Variants in PPFIBP2 observed in about 807,000 individuals in gnomAD.
PPFIBP2 encodes PPFIB scaffold protein 2.
PPFIBP2 carries 118 observed loss-of-function variants against 118.3 expected under a neutral mutation model. That is an observed-to-expected ratio of 1.00 (90% CI 0.86 to 1.16). The LOEUF (loss-of-function observed/expected upper bound fraction) is 1.16. Ranked by LOEUF, PPFIBP2 falls within the 50% of genes most tolerant of loss-of-function variation. The probability of loss-of-function intolerance (pLI) is 0.00; values close to 1 mark genes in which losing one functional copy is unlikely to be tolerated. For missense variants in PPFIBP2, 1,195 were observed against 1,073.1 expected (o/e 1.11, Z -1.59); for synonymous variants, 414 against 397.4 (o/e 1.04, Z -0.50).
chr11:7,594,879 T>C (rs535893729), intron 4 of PPFIBP2, among the ~76,000 whole-genome samples: 1 of 139,014 alleles, frequency 7.2e-6, no homozygotes, highest in Non-Finnish European at 1.5e-5. Context: ...ATCGCATCAC[T>C]GTGCTCCAGC....
At chr11:7,627,335 C>A (rs1241295332) in intron 8 of PPFIBP2, among the ~76,000 whole-genome samples, 2 of 152,202 alleles carry the variant, frequency 1.3e-5, no homozygotes, top group African/African-American at 4.8e-5. Context: ...CCACTTTATT[C>A]TGAAAATGAA....
At chr11:7,610,165 G>A in intron 5 of PPFIBP2, 126 bp from the exon 6 acceptor site, 6 of 1,227,832 alleles carry the variant, frequency 4.9e-6, no homozygotes, top group Non-Finnish European at 7.0e-6. Context: ...TGACTCTCAT[G>A]TAGCAGTCTC....
chr11:7,521,330 T>C (rs1275619376), intron 1 of PPFIBP2, among the ~76,000 whole-genome samples: 1 of 152,196 alleles, frequency 6.6e-6, no homozygotes, highest in East Asian at 1.9e-4. Context: ...TAGGATAAAA[T>C]ACACCATCCT....
intron 5 of PPFIBP2, among the ~76,000 whole-genome samples, chr11:7,598,945 C>T (rs7925061): frequency 4.6e-5 from 7 of 151,900 alleles, no homozygotes; most frequent in Non-Finnish European, 1.0e-4. Flanking sequence ...CATAAAAACC[C>T]GTTTCAATGA....
chr11:7,633,309 G>A (rs112020972), intron 12 of PPFIBP2, among the ~76,000 whole-genome samples: 18,541 of 152,148 alleles, frequency 0.12, 2,120 homozygotes, highest in African/African-American at 0.31. Context: ...CCCTTTGACA[G>A]TCGAAGCTTT....
At chr11:7,641,158 A>G (rs1252926792) in intron 15 of PPFIBP2, 8 of 1,082,420 alleles carry the variant, frequency 7.4e-6, no homozygotes, top group Non-Finnish European at 8.8e-6. Flanking sequence ...CCAGGGACCC[A>G]CTACTGCCTG....
At chr11:7,577,334 T>TGGGTGTGC in intron 3 of PPFIBP2, 1 of 271,194 alleles carries the variant, frequency 3.7e-6, no homozygotes, top group Non-Finnish European at 7.4e-6. Context: ...TGTGTGTGTG[T>TGGGTGTGC]GTGTGTGTGT....
chr11:7,659,728 T>C (rs1240010555), downstream of PPFIBP2, among the ~76,000 whole-genome samples: 1 of 103,176 alleles, frequency 9.7e-6, no homozygotes, highest in Non-Finnish European at 2.3e-5. Context: ...AATCTGTAAA[T>C]TACCTTGGGC....
At chr11:7,643,571 A>G (rs1026882379) in intron 17 of PPFIBP2, among the ~76,000 whole-genome samples, 1 of 152,030 alleles carries the variant, frequency 6.6e-6, no homozygotes, top group African/African-American at 2.4e-5. Flanking sequence ...AGACGTATGA[A>G]GAAGTCCTGA....
chr11:7,536,738 CAT>C (rs1487939536), intron 1 of PPFIBP2, among the ~76,000 whole-genome samples: 1 of 151,994 alleles, frequency 6.6e-6, no homozygotes, highest in African/African-American at 2.4e-5. Flanking sequence ...GAAGAAGAGA[CAT>C]GTGAACCTGG....
rs982941237 is a variant in PPFIBP2, at chr11:7,631,333, G to C, written c.1068+305G>C. ...TCTGGAATGTAAGCATAGACCAAAG[G>C]TGATGTTTGATTTATCTACCACCCT... is the stretch of plus-strand genomic sequence containing the variant. On this transcript the variant is annotated intron_variant, in intron 11 of 23. Transcript: ENST00000299492. The C allele has an allele frequency of 4.3e-5, 11 of 255,826 alleles. No individual in the cohort carries two copies. The East Asian group carries it at 6.9e-4, about 16-fold the overall frequency. The allele number at this position is 255,826 out of a possible 1,614,324, so 15.8% of individuals were successfully genotyped here.
At chr11:7,623,531 A>G (rs1849610694) in intron 7 of PPFIBP2, among the ~76,000 whole-genome samples, 1 of 152,206 alleles carries the variant, frequency 6.6e-6, no homozygotes, top group Admixed American at 6.5e-5. Flanking sequence ...AAATTGGCAC[A>G]AGGCAGGTTG....
chr11:7,654,795 T>G (rs1415199835), downstream of PPFIBP2, among the ~76,000 whole-genome samples: 1 of 152,262 alleles, frequency 6.6e-6, no homozygotes, highest in African/African-American at 2.4e-5. Context: ...GTTGTGCCAC[T>G]GATTCTCTGC....
chr11:7,536,328 GA>G (rs1851214105), intron 1 of PPFIBP2, among the ~76,000 whole-genome samples: 1 of 152,162 alleles, frequency 6.6e-6, no homozygotes, highest in African/African-American at 2.4e-5. Flanking sequence ...GGGGGTGTCA[GA>G]GAGCACGGGA....
At chr11:7,540,863 G>T (rs1851703325) in intron 1 of PPFIBP2, among the ~76,000 whole-genome samples, 1 of 152,202 alleles carries the variant, frequency 6.6e-6, no homozygotes, top group Non-Finnish European at 1.5e-5. Context: ...AGGGACAGCT[G>T]TAGGCATGGG....
intron 2 of PPFIBP2, among the ~76,000 whole-genome samples, chr11:7,557,568 T>C (rs1853784943): frequency 6.6e-6 from 1 of 150,950 alleles, no homozygotes; most frequent in Admixed American, 6.6e-5. Flanking sequence ...CTTGGCTCAC[T>C]GAAACCTCCA....
At chr11:7,547,618 C>T (rs551401469) in intron 1 of PPFIBP2, among the ~76,000 whole-genome samples, 8 of 152,148 alleles carry the variant, frequency 5.3e-5, no homozygotes, top group South Asian at 2.1e-4. Flanking sequence ...ATTTCCACAC[C>T]GTATTCGCTC....
chr11:7,530,231 C>G (rs1850573239), intron 1 of PPFIBP2, among the ~76,000 whole-genome samples: 1 of 152,130 alleles, frequency 6.6e-6, no homozygotes, highest in Admixed American at 6.5e-5. Context: ...TCTGACTAAC[C>G]CTGTGTAAGG....
the PPFIBP2 span, chr11:7,666,764 C>T: frequency 1.1e-5 from 5 of 452,606 alleles, no homozygotes; most frequent in Non-Finnish European, 2.0e-5. Context: ...GATGAAGAAC[C>T]TCCATGGGAT....
Sources: gnomAD v4.1 joint callset for allele counts (sites outside exome capture counted in the v4.1 genomes callset) on GRCh38, gnomAD v4.1.1 for gene constraint, MANE v1.5 for transcripts, NCBI Gene and HGNC (gene_info 2026-07-23, HGNC 2026-07-21) for gene names.